The following MTUS2 variants were observed in gnomAD, a reference collection of about 807,000 sequenced individuals.
MTUS2 encodes the protein microtubule associated scaffold protein 2.
Under a neutral mutation model 114.1 loss-of-function variants are expected in MTUS2, and 40 were observed. The observed-to-expected ratio is 0.35, with a 90% CI of 0.27 to 0.46. The LOEUF (loss-of-function observed/expected upper bound fraction) is 0.46, where lower values mean the gene tolerates loss of function less well. MTUS2 is among the 20% of genes least tolerant of loss of function. MTUS2 has a pLI of 1.00. For missense variants in MTUS2, 1,679 were observed against 1,705.4 expected, an observed-to-expected ratio of 0.98 and a Z score of 0.27; for synonymous variants, 688 against 672.0, an observed-to-expected ratio of 1.02 and a Z score of -0.37.
chr13:29,498,034 C>G (rs746452444), intron 13 of MTUS2, among the ~76,000 whole-genome samples: 3 of 152,182 alleles, frequency 2.0e-5, no homozygotes, highest in African/African-American at 4.8e-5. Flanking sequence ...ATAGGTGGGA[C>G]CTATAAGAGT....
At chr13:28,858,606 C>A (rs1161459) in intron 2 of MTUS2, among the ~76,000 whole-genome samples, 29 of 152,090 alleles carry the variant, frequency 1.9e-4, no homozygotes, top group Non-Finnish European at 3.7e-4. Context: ...ATCCCCCACC[C>A]TCAAACTTAG....
At chr13:28,977,349 A>C (rs1006252002) in intron 2 of MTUS2, among the ~76,000 whole-genome samples, 1 of 152,184 alleles carries the variant, frequency 6.6e-6, no homozygotes, top group African/African-American at 2.4e-5. Flanking sequence ...TAGGAGAAGG[A>C]ATAGGAAATC....
intron 2 of MTUS2, among the ~76,000 whole-genome samples, chr13:28,881,170 G>T (rs78661088): frequency 0.069 from 10,430 of 152,102 alleles, 1,161 homozygotes; most frequent in African/African-American, 0.23. Flanking sequence ...CGTTGCCATT[G>T]TTATGTCCAT....
chr13:29,475,523 C>T (rs1880635402), intron 9 of MTUS2, among the ~76,000 whole-genome samples: 1 of 152,156 alleles, frequency 6.6e-6, no homozygotes, highest in South Asian at 2.1e-4. Context: ...ATGGATGTTA[C>T]TGCCCCTGAA....
intron 2 of MTUS2, among the ~76,000 whole-genome samples, chr13:29,002,531 G>A (rs1336011942): frequency 6.6e-6 from 1 of 152,234 alleles, no homozygotes; most frequent in Non-Finnish European, 1.5e-5. Context: ...AATAGTGATA[G>A]TTGCAGGATG....
chr13:29,167,822 C>A (rs540993336), intron 5 of MTUS2, among the ~76,000 whole-genome samples: 1 of 152,118 alleles, frequency 6.6e-6, no homozygotes, highest in African/African-American at 2.4e-5. Flanking sequence ...TTCCCAAATC[C>A]TCCAAAATCT....
intron 2 of MTUS2, among the ~76,000 whole-genome samples, chr13:28,999,258 C>G (rs1593370223): frequency 6.6e-6 from 1 of 152,156 alleles, no homozygotes; most frequent in Non-Finnish European, 1.5e-5. Flanking sequence ...GAAGTTTTGT[C>G]TCAGAGGAGT....
chr13:29,050,841 C>T (rs552071613), intron 4 of MTUS2, among the ~76,000 whole-genome samples: 5 of 152,238 alleles, frequency 3.3e-5, no homozygotes, highest in South Asian at 2.1e-4. Context: ...GCAGAAGAAA[C>T]AACACACACA....
intron 5 of MTUS2, among the ~76,000 whole-genome samples, chr13:29,252,218 A>G (rs1897145705): frequency 6.6e-6 from 1 of 152,210 alleles, no homozygotes; most frequent in South Asian, 2.1e-4. Context: ...AATTACTATT[A>G]AGTAATCCCC....
chr13:29,083,962 G>C (rs1375825613), intron 4 of MTUS2, among the ~76,000 whole-genome samples: 1 of 152,116 alleles, frequency 6.6e-6, no homozygotes, highest in Non-Finnish European at 1.5e-5. Context: ...ACATACTTAT[G>C]TGCCCTCTAT....
chr13:29,422,121 A>T (rs1876152000), intron 8 of MTUS2, among the ~76,000 whole-genome samples: 1 of 152,194 alleles, frequency 6.6e-6, no homozygotes, highest in Admixed American at 6.5e-5. Flanking sequence ...CAGATTCCTT[A>T]TCCAGGTTAT....
At chr13:29,447,300 CA>C (rs545003988) in intron 9 of MTUS2, among the ~76,000 whole-genome samples, 1 of 151,900 alleles carries the variant, frequency 6.6e-6, no homozygotes, top group Non-Finnish European at 1.5e-5. Flanking sequence ...GACCTCAAAC[CA>C]AAAAATGCCA....
chr13:29,359,677 C>T (rs1024529924), intron 8 of MTUS2, among the ~76,000 whole-genome samples: 6 of 152,050 alleles, frequency 3.9e-5, no homozygotes, highest in East Asian at 1.9e-4. Context: ...GAAAGAAATA[C>T]GTCTGGGAAG....
chr13:28,870,083 G>A (rs1877532294), intron 2 of MTUS2, among the ~76,000 whole-genome samples: 1 of 152,064 alleles, frequency 6.6e-6, no homozygotes, highest in Non-Finnish European at 1.5e-5. Flanking sequence ...GTGGTAATTA[G>A]CATATCCATC....
intron 4 of MTUS2, among the ~76,000 whole-genome samples, chr13:29,096,255 G>C (rs1887751): frequency 0.67 from 102,257 of 152,102 alleles, 35,083 homozygotes; most frequent in Non-Finnish European, 0.74. Flanking sequence ...ATCACACTAA[G>C]AATGTTTTAG....
At chr13:29,009,800 A>AT (rs1885760075) in intron 2 of MTUS2, among the ~76,000 whole-genome samples, 1 of 151,902 alleles carries the variant, frequency 6.6e-6, no homozygotes, top group South Asian at 2.1e-4. Context: ...ATATTTGGTC[A>AT]TTTTTTGCTA....
chr13:29,472,395 T>C (rs1880385900), intron 9 of MTUS2, among the ~76,000 whole-genome samples: 1 of 152,160 alleles, frequency 6.6e-6, no homozygotes, highest in African/African-American at 2.4e-5. Flanking sequence ...CAAAAATCAG[T>C]AATTAGAGAG....
intron 9 of MTUS2, among the ~76,000 whole-genome samples, chr13:29,464,007 GA>G (rs1163807839): frequency 2.0e-5 from 3 of 152,136 alleles, no homozygotes; most frequent in African/African-American, 7.2e-5. Flanking sequence ...GAAAAGAAAA[GA>G]AAAGAAAAGA....
At chr13:29,099,899 T>A (rs1393114391) in intron 4 of MTUS2, among the ~76,000 whole-genome samples, 1 of 152,210 alleles carries the variant, frequency 6.6e-6, no homozygotes, top group Non-Finnish European at 1.5e-5. Context: ...TGCTGGAGCC[T>A]GGCTCAGACT....
Sources: gnomAD v4.1 joint callset for allele counts (sites outside exome capture counted in the v4.1 genomes callset) on GRCh38, gnomAD v4.1.1 for gene constraint, MANE v1.5 for transcripts, NCBI Gene and HGNC (gene_info 2026-07-23, HGNC 2026-07-21) for gene names.